Variants in TMCC1 observed in about 807,000 individuals in gnomAD.
TMCC1 encodes the protein transmembrane and coiled-coil domain family 1.
Under a neutral mutation model 52.4 loss-of-function variants are expected in TMCC1, and 15 were observed. The observed-to-expected ratio is 0.29, with a 90% CI of 0.19 to 0.44. The LOEUF (loss-of-function observed/expected upper bound fraction) is 0.44, where lower values mean the gene tolerates loss of function less well. Ranked by LOEUF, TMCC1 falls within the 20% of genes least tolerant of loss-of-function variation. TMCC1 has a pLI of 1.00. For missense variants in TMCC1, 503 were observed against 806.0 expected, an observed-to-expected ratio of 0.62 and a Z score of 4.55; for synonymous variants, 279 against 301.9, an observed-to-expected ratio of 0.92 and a Z score of 0.79.
chr3:129,842,983 T>C (rs374181890), intron 2 of TMCC1, among the ~76,000 whole-genome samples: 159 of 152,188 alleles, frequency 1.0e-3, no homozygotes, highest in African/African-American at 3.4e-3. Context: ...TTATATCTTA[T>C]AAAAGAAGAC....
chr3:129,883,768 C>T (rs1010137906), intron 1 of TMCC1, among the ~76,000 whole-genome samples: 1 of 151,882 alleles, frequency 6.6e-6, no homozygotes, highest in Non-Finnish European at 1.5e-5. Context: ...CACTTGAGGC[C>T]AGGAGTTCAA....
intron 4 of TMCC1, among the ~76,000 whole-genome samples, chr3:129,675,777 C>T (rs1269332479): frequency 2.0e-5 from 3 of 152,178 alleles, no homozygotes; most frequent in Non-Finnish European, 2.9e-5. Context: ...GTGGCTCACG[C>T]CTGTAATCTC....
intron 4 of TMCC1, among the ~76,000 whole-genome samples, chr3:129,798,557 CAG>C (rs1368185163): frequency 2.2e-5 from 3 of 136,908 alleles, no homozygotes; most frequent in Admixed American, 7.4e-5. Context: ...GGAAAGGAGA[CAG>C]GGGTGTGAAA....
intron 4 of TMCC1, among the ~76,000 whole-genome samples, chr3:129,727,131 C>G (rs2050170990): frequency 6.6e-6 from 1 of 151,894 alleles, no homozygotes; most frequent in African/African-American, 2.4e-5. Context: ...AACAATGGAA[C>G]AAACAAATGA....
intron 1 of TMCC1, among the ~76,000 whole-genome samples, chr3:129,889,821 T>A (rs1577242066): frequency 1.3e-5 from 2 of 151,120 alleles, no homozygotes; most frequent in Admixed American, 1.3e-4. Context: ...GATAAAACTA[T>A]ATTAAGAATA....
At chr3:129,772,531 C>T (rs1560385479) in intron 4 of TMCC1, among the ~76,000 whole-genome samples, 2 of 151,296 alleles carry the variant, frequency 1.3e-5, no homozygotes, top group East Asian at 2.0e-4. Context: ...CTGGCTAACA[C>T]GGTGAAACCC....
chr3:129,749,572 C>A (rs148614065), intron 4 of TMCC1, among the ~76,000 whole-genome samples: 3 of 151,876 alleles, frequency 2.0e-5, no homozygotes, highest in Admixed American at 2.0e-4. Context: ...AATTAGTAAA[C>A]TAATTTGTTT....
At chr3:129,882,219 C>T (rs901443383) in intron 1 of TMCC1, among the ~76,000 whole-genome samples, 1 of 151,760 alleles carries the variant, frequency 6.6e-6, no homozygotes, top group Non-Finnish European at 1.5e-5. Flanking sequence ...GATATTTCTA[C>T]GAAGGAGATA....
intron 2 of TMCC1, among the ~76,000 whole-genome samples, chr3:129,877,617 C>T (rs1384571258): frequency 6.6e-6 from 1 of 151,300 alleles, no homozygotes; most frequent in African/African-American, 2.4e-5. Context: ...ACTCAACATC[C>T]CTAAGTCTTT....
At chr3:129,750,175 T>G (rs2052363545) in intron 4 of TMCC1, among the ~76,000 whole-genome samples, 1 of 152,114 alleles carries the variant, frequency 6.6e-6, no homozygotes, top group Admixed American at 6.5e-5. Flanking sequence ...TCAAAATCTT[T>G]ATTTTATTAT....
intron 1 of TMCC1, among the ~76,000 whole-genome samples, chr3:129,889,722 C>G (rs1415770764): frequency 2.0e-5 from 3 of 151,992 alleles, no homozygotes; most frequent in Non-Finnish European, 4.4e-5. Flanking sequence ...TCTTTGCCTT[C>G]AAGAAGCTTG....
chr3:129,694,042 A>G (rs1297041730), intron 4 of TMCC1, among the ~76,000 whole-genome samples: 1 of 152,236 alleles, frequency 6.6e-6, no homozygotes, highest in Non-Finnish European at 1.5e-5. Flanking sequence ...TCCCAGGAAC[A>G]CTGGCCTGAT....
intron 2 of TMCC1, among the ~76,000 whole-genome samples, chr3:129,835,026 T>C (rs1359030515): frequency 6.6e-6 from 1 of 152,206 alleles, no homozygotes; most frequent in East Asian, 1.9e-4. Flanking sequence ...CTTATTCCTT[T>C]AGACCTGCTT....
At chr3:129,751,440 G>C (rs2052511552) in intron 4 of TMCC1, among the ~76,000 whole-genome samples, 1 of 151,912 alleles carries the variant, frequency 6.6e-6, no homozygotes, top group South Asian at 2.1e-4. Flanking sequence ...TGAGATGGGA[G>C]GATCCCTTGA....
At chr3:129,691,530 C>G (rs1178380097) in intron 4 of TMCC1, among the ~76,000 whole-genome samples, 3 of 150,794 alleles carry the variant, frequency 2.0e-5, no homozygotes, top group Admixed American at 6.6e-5. Flanking sequence ...CCTGTAATCC[C>G]AACATTTTGG....
chr3:129,684,462 T>TG (rs1560185115), intron 4 of TMCC1, among the ~76,000 whole-genome samples: 3 of 152,198 alleles, frequency 2.0e-5, no homozygotes. Flanking sequence ...GCACTAGGCC[T>TG]GGGGGCATTT....
At chr3:129,667,058 T>C (rs1411413857) in intron 5 of TMCC1, among the ~76,000 whole-genome samples, 3 of 151,186 alleles carry the variant, frequency 2.0e-5, no homozygotes, top group Non-Finnish European at 4.4e-5. Context: ...CATGCCACCA[T>C]GCCTGGCTAA....
chr3:129,863,784 C>T (rs1274092239), intron 2 of TMCC1, among the ~76,000 whole-genome samples: 1 of 152,066 alleles, frequency 6.6e-6, no homozygotes, highest in Non-Finnish European at 1.5e-5. Context: ...ATCGCTTGAA[C>T]CCGGGAGGTG....
chr3:129,855,377 T>C (rs1042083548), intron 2 of TMCC1, among the ~76,000 whole-genome samples: 16 of 152,282 alleles, frequency 1.1e-4, no homozygotes, highest in African/African-American at 3.1e-4. Flanking sequence ...CATTCCTTGT[T>C]TGTCTTGAAA....
Sources: gnomAD v4.1 joint callset for allele counts (sites outside exome capture counted in the v4.1 genomes callset) on GRCh38, gnomAD v4.1.1 for gene constraint, MANE v1.5 for transcripts, NCBI Gene and HGNC (gene_info 2026-07-23, HGNC 2026-07-21) for gene names.